The following GRHL2 variants were observed in gnomAD, a reference collection of about 807,000 sequenced individuals.
The protein encoded by GRHL2 is grainyhead-like protein 2 homolog.
A neutral mutation model predicts 83.8 loss-of-function variants in GRHL2; 21 were observed. The ratio of observed to expected loss-of-function variants is 0.25; its 90% CI spans 0.18 to 0.36. GRHL2 has a LOEUF of 0.36. Among genes scored for constraint, GRHL2 ranks in the 10% least tolerant of loss-of-function variants. The pLI, the probability that GRHL2 is intolerant of heterozygous loss-of-function variation, is 1.00. For missense variants in GRHL2, 623 were observed against 781.8 expected (o/e 0.80, Z 2.42); for synonymous variants, 280 against 278.9 (o/e 1.00, Z -0.04).
chr8:101,529,168 A>G, intron 1 of GRHL2: 1 of 279,336 alleles, frequency 3.6e-6, no homozygotes, highest in Non-Finnish European at 6.9e-6. Context: ...CATGCCCTGA[A>G]AAATATGCCT....
intron 4 of GRHL2, among the ~76,000 whole-genome samples, chr8:101,568,683 G>T (rs1458687477): frequency 1.3e-5 from 2 of 151,470 alleles, no homozygotes; most frequent in Non-Finnish European, 2.9e-5. Context: ...GTTTCTTCTG[G>T]CACCAAAGCA....
chr8:101,575,628 A>G (rs1412691525), intron 6 of GRHL2, among the ~76,000 whole-genome samples: 3 of 152,216 alleles, frequency 2.0e-5, no homozygotes, highest in Non-Finnish European at 4.4e-5. Flanking sequence ...AACAGTTTCA[A>G]ACTGCGTTTT....
In GRHL2 at chr8:101,669,254, C is replaced by CTTTTTTTTCTT. The variant is rs1554599114; in HGVS notation, c.*2559_*2560insCTTTTTTTTTT. ...GGACATGTGAAATGAGCATTTTTTTCTTTTTTTTTTTTAACAAAGTCTGAA... is the reference window on the plus strand; with the variant it reads ...GGACATGTGAAATGAGCATTTTTTTCTTTTTTTTCTTTTTTTTTTTTTTAACAAAGTCTGAA... On this transcript the variant is annotated 3_prime_UTR_variant, in exon 16 of 16. Coordinates refer to ENST00000646743, the MANE Select transcript of GRHL2 (RefSeq NM_024915.4). 1.6e-5 allele frequency: 2 copies of CTTTTTTTTCTT among 126,626 alleles called. No homozygotes were observed. The highest frequency in any genetic ancestry group is 5.6e-5 in the African/African-American group (2 of 35,560). 7.8% of individuals were successfully genotyped at this position (126,626 alleles called of 1,614,324 possible).
intron 9 of GRHL2, among the ~76,000 whole-genome samples, chr8:101,623,493 T>C (rs559383909): frequency 7.3e-6 from 1 of 136,368 alleles, no homozygotes; most frequent in South Asian, 2.2e-4. Context: ...AGTAAGACAG[T>C]TCACAGTACA....
chr8:101,552,917 C>T, intron 3 of GRHL2, 135 bp downstream of exon 3: 1 of 839,784 alleles, frequency 1.2e-6, no homozygotes, highest in East Asian at 2.8e-5. Flanking sequence ...TGAGTCTGGA[C>T]CAATGCTAGA....
chr8:101,575,501 G>A (rs530203678), intron 6 of GRHL2, among the ~76,000 whole-genome samples: 1 of 152,254 alleles, frequency 6.6e-6, no homozygotes, highest in South Asian at 2.1e-4. Context: ...CTCTCAGAGT[G>A]GCTCTTTCTT....
chr8:101,651,196 T>C (rs1278519169), intron 14 of GRHL2, among the ~76,000 whole-genome samples: 1 of 152,254 alleles, frequency 6.6e-6, no homozygotes, highest in Non-Finnish European at 1.5e-5. Flanking sequence ...TTCAGACCTC[T>C]CTGGACAACT....
intron 3 of GRHL2, among the ~76,000 whole-genome samples, chr8:101,554,477 G>C (rs1811451807): frequency 6.6e-6 from 1 of 152,234 alleles, no homozygotes; most frequent in African/African-American, 2.4e-5. Flanking sequence ...AGCAACAGCT[G>C]CTCATTGTAT....
At chr8:101,679,232 G>A in the GRHL2 span, among the ~76,000 whole-genome samples, 3 of 145,850 alleles carry the variant, frequency 2.1e-5, no homozygotes, top group African/African-American at 7.6e-5. Context: ...GTGCTTAAAG[G>A]AGCTGATGGA....
chr8:101,601,474 A>G (rs1211600134), intron 8 of GRHL2, among the ~76,000 whole-genome samples: 1 of 152,166 alleles, frequency 6.6e-6, no homozygotes, highest in Non-Finnish European at 1.5e-5. Context: ...AGTTCATTCC[A>G]TACCACTCAT....
At position 101,515,176 on chromosome 8, in the gene GRHL2, GCACACA is replaced by G. The variant is rs4002325; in HGVS notation, c.20+22416_20+22421del. On this transcript the variant is annotated intron_variant, in intron 1 of 15. Transcript: ENST00000646743. ...TCTCTTTCTCTCTCTCTGTCTCTCT[GCACACA>G]CACACACACACACACACACACACAC... Among the ~76,000 whole-genome samples, 352 of 144,382 alleles carry G rather than the reference GCACACA, an allele frequency of 2.4e-3. 1 individual carries two copies. Among genetic ancestry groups the G allele is most frequent in the Middle Eastern group, 0.014 (4 of 290 alleles). 94.7% of individuals were successfully genotyped at this position (144,382 alleles called of 152,430 possible). A position where few individuals can be genotyped will look rare whatever the true frequency, so the allele number is the denominator to read the frequency against.
At chr8:101,558,384 A>T (rs752545573) in intron 3 of GRHL2, 35 bp from the exon 4 acceptor site, 1 of 1,612,740 alleles carries the variant, frequency 6.2e-7, no homozygotes, top group East Asian at 2.2e-5. Context: ...TGATTTTTCT[A>T]ATTCTATCAT....
intron 1 of GRHL2, chr8:101,542,854 G>T (rs1811183217): frequency 2.2e-6 from 1 of 457,678 alleles, no homozygotes; most frequent in Middle Eastern, 3.3e-4. Flanking sequence ...CAGTCACAAT[G>T]AACCCACTCC....
chr8:101,605,848 T>G (rs1184423585), intron 8 of GRHL2, among the ~76,000 whole-genome samples: 11 of 152,232 alleles, frequency 7.2e-5, no homozygotes, highest in African/African-American at 2.4e-4. Context: ...CTGAGACATA[T>G]CAGTGTTTTC....
At chr8:101,612,699 G>A (rs1420355530) in intron 8 of GRHL2, among the ~76,000 whole-genome samples, 1 of 150,768 alleles carries the variant, frequency 6.6e-6, no homozygotes, top group Non-Finnish European at 1.5e-5. Context: ...GCTCTTAGGA[G>A]GTATTGTTTA....
chr8:101,526,387 T>A (rs973851338), intron 1 of GRHL2, among the ~76,000 whole-genome samples: 1 of 152,210 alleles, frequency 6.6e-6, no homozygotes, highest in Non-Finnish European at 1.5e-5. Context: ...GTTGACTGAG[T>A]TATTTGGATT....
intron 12 of GRHL2, among the ~76,000 whole-genome samples, chr8:101,642,068 C>T (rs1432304627): frequency 1.3e-5 from 2 of 152,146 alleles, no homozygotes; most frequent in Non-Finnish European, 2.9e-5. Flanking sequence ...CCCACAGCTA[C>T]AGAGGGTGGG....
intron 1 of GRHL2, among the ~76,000 whole-genome samples, chr8:101,527,796 A>G (rs1307485319): frequency 6.6e-6 from 1 of 152,212 alleles, no homozygotes; most frequent in Non-Finnish European, 1.5e-5. Context: ...TTATTTTGCC[A>G]TCACACTTTA....
downstream of GRHL2, among the ~76,000 whole-genome samples, chr8:101,674,662 T>C (rs190445268): frequency 5.9e-3 from 892 of 152,274 alleles, 11 homozygotes; most frequent in African/African-American, 0.021. Flanking sequence ...CTTCTGAAAC[T>C]ATTCCAATCA....
Sources: allele counts gnomAD v4.1 joint callset (sites outside exome capture counted in the v4.1 genomes callset), GRCh38; gene constraint gnomAD v4.1.1; transcripts MANE v1.5; gene names NCBI Gene and HGNC (gene_info 2026-07-23, HGNC 2026-07-21).